Variants in CTNNBL1 observed in about 807,000 individuals in gnomAD.
The protein encoded by CTNNBL1 is catenin beta like 1.
Under a neutral mutation model 72.7 loss-of-function variants are expected in CTNNBL1, and 31 were observed. That is an observed-to-expected ratio of 0.43 (90% CI 0.32 to 0.58). CTNNBL1 has a LOEUF of 0.58. Ranked by LOEUF, CTNNBL1 falls within the 20% of genes least tolerant of loss-of-function variation. The probability of loss-of-function intolerance (pLI) is 0.08; values close to 1 mark genes in which losing one functional copy is unlikely to be tolerated. For missense variants in CTNNBL1, 534 were observed against 725.1 expected (o/e 0.74, Z 3.03); for synonymous variants, 240 against 267.3 (o/e 0.90, Z 1.00).
At chr20:37,807,052 G>T (rs190515949) in intron 11 of CTNNBL1, among the ~76,000 whole-genome samples, 1 of 152,218 alleles carries the variant, frequency 6.6e-6, no homozygotes, top group Non-Finnish European at 1.5e-5. Flanking sequence ...TCCTGGTCCC[G>T]TCATAGCCCC....
rs541416004 is a variant in CTNNBL1, at chr20:37,804,738, C to G, written c.1213+1690C>G. Among the ~76,000 whole-genome samples the G allele has an allele frequency of 2.0e-5, 3 of 152,340 alleles. No individual in the cohort carries two copies. In the East Asian group the frequency reaches 5.8e-4, roughly 29 times the overall value. On this transcript the variant is annotated intron_variant, in intron 11 of 15. Coordinates refer to ENST00000361383, the MANE Select transcript of CTNNBL1 (RefSeq NM_030877.5). ...GAGTGTGAAGGAAAACAGCCCTTAG[C>G]AGGCTCCTGCTCTGCGGTCATGGCA...
intron 11 of CTNNBL1, among the ~76,000 whole-genome samples, chr20:37,826,016 A>T (rs534824194): frequency 6.6e-6 from 1 of 151,692 alleles, no homozygotes; most frequent in Non-Finnish European, 1.5e-5. Context: ...GGCTTCGTGG[A>T]CCTCTCCTTC....
intron 4 of CTNNBL1, among the ~76,000 whole-genome samples, chr20:37,747,506 C>T (rs910735407): frequency 9.2e-5 from 14 of 151,694 alleles, no homozygotes; most frequent in African/African-American, 2.2e-4. Context: ...GTGTGAAAGA[C>T]GGTGCCCTTC....
At chr20:37,794,219 T>C (rs1036108782) in intron 10 of CTNNBL1, among the ~76,000 whole-genome samples, 7 of 152,152 alleles carry the variant, frequency 4.6e-5, no homozygotes, top group Admixed American at 3.9e-4. Context: ...AGTTTCCTTC[T>C]GCCTAAATGA....
chr20:37,739,802 C>T (rs1222288184), intron 3 of CTNNBL1, among the ~76,000 whole-genome samples: 1 of 152,212 alleles, frequency 6.6e-6, no homozygotes, highest in African/African-American at 2.4e-5. Flanking sequence ...CAGTACTTGC[C>T]TTGCTGTAGG....
intron 1 of CTNNBL1, among the ~76,000 whole-genome samples, chr20:37,707,357 A>G (rs2072895068): frequency 6.6e-6 from 1 of 152,208 alleles, no homozygotes; most frequent in Admixed American, 6.5e-5. Context: ...ACCTTCATCA[A>G]TGATCTTAGC....
intron 10 of CTNNBL1, among the ~76,000 whole-genome samples, chr20:37,798,119 G>A (rs1348737520): frequency 1.3e-5 from 2 of 152,254 alleles, no homozygotes; most frequent in East Asian, 3.9e-4. Flanking sequence ...AGACTCCTTG[G>A]AAGCAATGAG....
intron 15 of CTNNBL1, among the ~76,000 whole-genome samples, chr20:37,868,692 C>T (rs1297637950): frequency 2.6e-5 from 4 of 152,128 alleles, no homozygotes; most frequent in Admixed American, 1.3e-4. Flanking sequence ...CATATGTAAG[C>T]GAGGCCTCGG....
chr20:37,853,303 A>G, intron 13 of CTNNBL1, among the ~76,000 whole-genome samples: 1 of 152,214 alleles, frequency 6.6e-6, no homozygotes. Context: ...TTAGTGCATA[A>G]TGGTCAGAGT....
intron 13 of CTNNBL1, among the ~76,000 whole-genome samples, chr20:37,845,794 T>C (rs940428989): frequency 2.0e-5 from 3 of 152,238 alleles, no homozygotes; most frequent in African/African-American, 7.2e-5. Context: ...TGAATGCTTA[T>C]TTTTCAGGCA....
At chr20:37,812,938 A>G (rs1352597398) in intron 11 of CTNNBL1, among the ~76,000 whole-genome samples, 1 of 151,408 alleles carries the variant, frequency 6.6e-6, no homozygotes, top group African/African-American at 2.4e-5. Flanking sequence ...AGCCCCCCCC[A>G]GGAATGTGGC....
rs562718114 is a variant in CTNNBL1 at position 37,835,567 on chromosome 20, T to G, written c.1214-4535T>G. Reference sequence around the variant, plus strand: ...GGGTATGTCATTAGTACAGCCATTTTGGAAGACAGTTTGTCAGTGTCTTTC... The same window carrying G: ...GGGTATGTCATTAGTACAGCCATTTGGGAAGACAGTTTGTCAGTGTCTTTC... On this transcript the variant is annotated intron_variant, in intron 11 of 15. Coordinates refer to ENST00000361383, the MANE Select transcript of CTNNBL1 (RefSeq NM_030877.5). Among the ~76,000 whole-genome samples the G allele has an allele frequency of 1.1e-4, 17 of 152,358 alleles. No homozygotes were observed. The East Asian group carries it at 3.3e-3, about 29-fold the overall frequency.
intron 10 of CTNNBL1, among the ~76,000 whole-genome samples, chr20:37,798,196 T>G (rs1177322872): frequency 6.6e-6 from 1 of 152,176 alleles, no homozygotes; most frequent in Non-Finnish European, 1.5e-5. Context: ...AAATATTTGA[T>G]GAGGGAACAA....
chr20:37,834,279 T>C (rs2072236770), intron 11 of CTNNBL1, among the ~76,000 whole-genome samples: 1 of 142,080 alleles, frequency 7.0e-6, no homozygotes, highest in Non-Finnish European at 1.5e-5. Flanking sequence ...CTCTTGCAAC[T>C]CTTTCTCATC....
chr20:37,778,158 AGGGGAGGATGT>A (rs2073592435), intron 9 of CTNNBL1, among the ~76,000 whole-genome samples: 2 of 152,074 alleles, frequency 1.3e-5, no homozygotes, highest in Non-Finnish European at 2.9e-5. Context: ...AGGGGAGGAT[AGGGGAGGATGT>A]GGTGCTGAAG....
chr20:37,799,828 A>G (rs2073808953), intron 10 of CTNNBL1, among the ~76,000 whole-genome samples: 1 of 152,222 alleles, frequency 6.6e-6, no homozygotes, highest in Non-Finnish European at 1.5e-5. Flanking sequence ...AAATAAAGAT[A>G]GGAATAGGTT....
Position 37,794,611 on chromosome 20 carries a change from A to C in CTNNBL1, c.1032-8256A>C, listed in dbSNP as rs141632739. ...AGGTTCAAGCGATTCTTCTACCTCA[A>C]CTTCTTGAGTAGCTGGGATTACAGG... On this transcript the variant is annotated intron_variant, in intron 10 of 15. Transcript: ENST00000361383. Among the ~76,000 whole-genome samples the C allele has an allele frequency of 7.9e-3, 1,187 of 150,228 alleles. 16 individuals carry two copies. The highest frequency in any genetic ancestry group is 0.027 in the African/African-American group (1,120 of 41,066).
At chr20:37,822,913 C>T (rs985290401) in intron 11 of CTNNBL1, among the ~76,000 whole-genome samples, 3 of 152,178 alleles carry the variant, frequency 2.0e-5, no homozygotes, top group Non-Finnish European at 2.9e-5. Flanking sequence ...TGGAAAGGCA[C>T]GCAGATTTTG....
At position 37,846,943 on chromosome 20, in the gene CTNNBL1, G is replaced by C. The variant is rs183733291; in HGVS notation, c.1392+4524G>C. Among the ~76,000 whole-genome samples, 8 of 152,320 alleles carry C rather than the reference G, an allele frequency of 5.3e-5. No individual in the cohort carries two copies. In the East Asian group the frequency reaches 1.5e-3, roughly 29 times the overall value. ...TTGTTTACTCTCTGTCTCTGGGACTGTAATCTCTCTTGTTCATCGTTTTCT... is the reference window on the plus strand; with the variant it reads ...TTGTTTACTCTCTGTCTCTGGGACTCTAATCTCTCTTGTTCATCGTTTTCT... On this transcript the variant is annotated intron_variant, in intron 13 of 15. Coordinates refer to ENST00000361383, the MANE Select transcript of CTNNBL1 (RefSeq NM_030877.5).
Sources: allele counts gnomAD v4.1 joint callset (sites outside exome capture counted in the v4.1 genomes callset), GRCh38; gene constraint gnomAD v4.1.1; transcripts MANE v1.5; gene names NCBI Gene and HGNC (gene_info 2026-07-23, HGNC 2026-07-21).